KBTBD12: variants seen among roughly 807,000 people sequenced by gnomAD.
The protein encoded by KBTBD12 is kelch repeat and BTB domain-containing protein 12.
KBTBD12 carries 53 observed loss-of-function variants against 58.7 expected under a neutral mutation model. The ratio of observed to expected loss-of-function variants is 0.90; its 90% confidence interval spans 0.72 to 1.14. The LOEUF is 1.14. Ranked by LOEUF, KBTBD12 falls within the 50% of genes most tolerant of loss-of-function variation. The pLI is 0.00. For missense variants in KBTBD12, 704 were observed against 751.3 expected (o/e 0.94, Z 0.74); for synonymous variants, 236 against 259.8 (o/e 0.91, Z 0.88).
chr3:127,981,681 C>T (rs1241708538), intron 5 of KBTBD12, among the ~76,000 whole-genome samples: 1 of 152,212 alleles, frequency 6.6e-6, no homozygotes, highest in East Asian at 1.9e-4. Context: ...GTGGCTCACA[C>T]TTGTAATCCC....
intron 4 of KBTBD12, among the ~76,000 whole-genome samples, chr3:127,931,076 T>G (rs192387458): frequency 1.2e-3 from 179 of 152,294 alleles, no homozygotes; most frequent in Middle Eastern, 6.8e-3. Context: ...ATTCTTTATT[T>G]CATCCAATCT....
In KBTBD12 at chr3:127,963,360, A is replaced by C; in HGVS notation, c.1664A>C (p.Tyr555Ser). Residue 555 changes from tyrosine (Y) to serine (S), a missense_variant, in exon 5 of 6, where the codon TAT (tyrosine) becomes TCT (serine). Physicochemically the swap from Tyr to Ser is moderately radical, Grantham distance 144 (BLOSUM62 -2). Coordinates refer to ENST00000405109, the MANE Select transcript of KBTBD12 (RefSeq NM_207335.4). ...GCAGGGGCAGTGGATGGGAAACTCT[A>C]TGTCTGCGGGGGATTCCATGGAGCA... ...TNAGAVDGKL[Y>S]VCGGFHGADR... The C allele has an allele frequency of 6.2e-7, 1 of 1,611,604 alleles. No individual in the cohort carries two copies. The highest frequency in any genetic ancestry group is 1.3e-5 in the African/African-American group (1 of 75,038).
In KBTBD12 at chr3:127,916,711, A is replaced by C. The variant is rs367715391; in HGVS notation, c.-113+1125A>C. Among the ~76,000 whole-genome samples, 20 of 138,164 alleles carry C rather than the reference A, an allele frequency of 1.4e-4. No homozygotes were observed. In the East Asian group the frequency reaches 4.0e-3, roughly 27 times the overall value. 90.6% of individuals were successfully genotyped at this position (138,164 alleles called of 152,430 possible). On this transcript the variant is annotated intron_variant, in intron 1 of 5. Transcript: ENST00000405109. The stretch of plus-strand genomic sequence containing the variant: ...CCAAAAACAAAACAAAAAGCAAAAA[A>C]AAAAAAAAAAACTGAGCAGCCAATT...
At chr3:127,928,949 T>A (rs1274597837) in intron 3 of KBTBD12, among the ~76,000 whole-genome samples, 1 of 152,250 alleles carries the variant, frequency 6.6e-6, no homozygotes, top group Non-Finnish European at 1.5e-5. Context: ...TTCTGCTATA[T>A]GTCAAAAAGT....
intron 5 of KBTBD12, among the ~76,000 whole-genome samples, chr3:127,978,689 G>A (rs1940824967): frequency 6.6e-6 from 1 of 152,162 alleles, no homozygotes; most frequent in Non-Finnish European, 1.5e-5. Flanking sequence ...AATAGCAGGG[G>A]CTGGGCTGGC....
intron 4 of KBTBD12, among the ~76,000 whole-genome samples, chr3:127,945,373 A>G (rs1940057216): frequency 6.7e-6 from 1 of 149,816 alleles, no homozygotes; most frequent in South Asian, 2.1e-4. Context: ...TTTAGTAGAG[A>G]CAGGGTTTCA....
intron 4 of KBTBD12, among the ~76,000 whole-genome samples, chr3:127,931,333 C>T (rs1429269173): frequency 6.6e-6 from 1 of 152,064 alleles, no homozygotes; most frequent in Non-Finnish European, 1.5e-5. Flanking sequence ...TATTACACAA[C>T]ATAATTTATG....
chr3:127,947,530 G>A (rs904478241), intron 4 of KBTBD12, among the ~76,000 whole-genome samples: 1 of 152,196 alleles, frequency 6.6e-6, no homozygotes, highest in Admixed American at 6.5e-5. Context: ...TTGAGATGGA[G>A]ACCACATGTG....
At position 127,927,913 on chromosome 3, in the gene KBTBD12, A is replaced by T. The variant is rs969314619; in HGVS notation, c.1220A>T (p.Asp407Val). The change falls in exon 3 of 6, where the codon GAT becomes GTT. Residue 407 changes from aspartate to valine, a missense_variant. By Grantham distance (152) the Asp-to-Val change is radical. Coordinates refer to ENST00000405109, the MANE Select transcript of KBTBD12 (RefSeq NM_207335.4). Reference sequence around the variant, plus strand: ...CAGTATCTTATTACAAACTGTGTTGATAAGTACTCTGTAGAACGGGACAAT... The same window carrying T: ...CAGTATCTTATTACAAACTGTGTTGTTAAGTACTCTGTAGAACGGGACAAT... ...KNQYLITNCV[D>V]KYSVERDNWK... 1 of 1,613,638 alleles carries T rather than the reference A, an allele frequency of 6.2e-7. No individual in the cohort carries two copies. Among genetic ancestry groups the T allele is most frequent in the Non-Finnish European group, 8.5e-7 (1 of 1,179,654 alleles).
intron 5 of KBTBD12, among the ~76,000 whole-genome samples, chr3:127,976,199 T>C (rs1248287742): frequency 6.6e-6 from 1 of 152,192 alleles, no homozygotes; most frequent in Non-Finnish European, 1.5e-5. Context: ...ATTTTAGGAA[T>C]TTTAACATTG....
chr3:127,933,553 A>G (rs146249479), intron 4 of KBTBD12, among the ~76,000 whole-genome samples: 43 of 152,300 alleles, frequency 2.8e-4, no homozygotes, highest in African/African-American at 9.9e-4. Context: ...AAAGCTGCAT[A>G]AACATGCAGC....
At chr3:127,945,409 C>T (rs1398174056) in intron 4 of KBTBD12, among the ~76,000 whole-genome samples, 4 of 151,330 alleles carry the variant, frequency 2.6e-5, no homozygotes, top group South Asian at 2.1e-4. Context: ...TGGTCTCGAT[C>T]TCCTGACCTC....
At chr3:127,976,093 C>T in intron 5 of KBTBD12, among the ~76,000 whole-genome samples, 1 of 152,146 alleles carries the variant, frequency 6.6e-6, no homozygotes, top group East Asian at 1.9e-4. Flanking sequence ...TTGTTCTGAC[C>T]ATATGCAAGT....
chr3:127,978,164 C>T (rs1311940611), intron 5 of KBTBD12, among the ~76,000 whole-genome samples: 2 of 152,180 alleles, frequency 1.3e-5, no homozygotes, highest in African/African-American at 4.8e-5. Context: ...TCTGAGCTCT[C>T]TATTCTGTTC....
At position 127,957,652 on chromosome 3, in the gene KBTBD12, CA is replaced by C. The variant is rs1046922482; in HGVS notation, c.1493-5527del. On this transcript the variant is annotated intron_variant, in intron 4 of 5. Transcript: ENST00000405109. ...TTTTGACCGCTCCCCCAACCGCCACCAAAAAAAAAAGTATAAGAAAAAAAGA... is the reference window on the plus strand; with the variant it reads ...TTTTGACCGCTCCCCCAACCGCCACCAAAAAAAAAGTATAAGAAAAAAAGA... 6.7e-3 allele frequency among the ~76,000 whole-genome samples: 972 copies of C among 146,128 alleles called. 10 individuals are homozygous for C. Among genetic ancestry groups the C allele is most frequent in the African/African-American group, 0.022 (896 of 40,098 alleles).
intron 1 of KBTBD12, among the ~76,000 whole-genome samples, chr3:127,918,581 G>A (rs1042946919): frequency 2.6e-5 from 4 of 152,018 alleles, no homozygotes; most frequent in African/African-American, 7.2e-5. Context: ...GGGTGGTGGC[G>A]GGCGCCTGTA....
chr3:127,929,927 G>A (rs1435693491), intron 3 of KBTBD12, among the ~76,000 whole-genome samples: 3 of 151,408 alleles, frequency 2.0e-5, no homozygotes, highest in Non-Finnish European at 2.9e-5. Flanking sequence ...ATGCACCTTT[G>A]GCCCATTATT....
chr3:127,927,188 C>G (rs1939592803), intron 2 of KBTBD12, among the ~76,000 whole-genome samples: 1 of 152,114 alleles, frequency 6.6e-6, no homozygotes, highest in Non-Finnish European at 1.5e-5. Context: ...AAGTGCCCAG[C>G]AGACATCTAC....
chr3:127,922,427 G>A (rs1365473866), intron 1 of KBTBD12, among the ~76,000 whole-genome samples: 3 of 152,122 alleles, frequency 2.0e-5, no homozygotes, highest in Non-Finnish European at 4.4e-5. Context: ...CCACATCAAA[G>A]TTTGAGCAGA....
Sources: gnomAD v4.1 joint callset for allele counts (sites outside exome capture counted in the v4.1 genomes callset) on GRCh38, gnomAD v4.1.1 for gene constraint, MANE v1.5 for transcripts, NCBI Gene and HGNC (gene_info 2026-07-23, HGNC 2026-07-21) for gene names.